The following SLC30A4 variants were observed in gnomAD, a reference collection of about 807,000 sequenced individuals.
SLC30A4 encodes the protein probable proton-coupled zinc antiporter SLC30A4.
A neutral mutation model predicts 41.7 loss-of-function variants in SLC30A4; 20 were observed. The ratio of observed to expected loss-of-function variants is 0.48; its 90% CI spans 0.34 to 0.70. SLC30A4 has a LOEUF of 0.70. SLC30A4 is among the 30% of genes least tolerant of loss of function. SLC30A4 has a pLI of 0.01. For missense variants in SLC30A4, 441 were observed against 529.3 expected, an observed-to-expected ratio of 0.83 and a Z score of 1.64; for synonymous variants, 181 against 195.9, an observed-to-expected ratio of 0.92 and a Z score of 0.64.
rs764217711 is a variant in SLC30A4, at chr15:45,511,198, C to T, written c.478G>A (p.Ala160Thr). ...GGTGATTTTGATGATAGCCACAAAGCAAGCAGGGTGAGTATGATGGCGCTT... is the reference window on the plus strand; with the variant it reads ...GGTGATTTTGATGATAGCCACAAAGTAAGCAGGGTGAGTATGATGGCGCTT... The part of the protein sequence containing the change: ...DLSAIILTLL[A>T]LWLSSKSPTK... Residue 160 changes from alanine to threonine, a missense_variant, in exon 3 of 8, where the codon GCT (alanine) becomes ACT (threonine). Coordinates refer to ENST00000261867, the MANE Select transcript of SLC30A4 (RefSeq NM_013309.6). 2 of 1,613,692 alleles carry T rather than the reference C, an allele frequency of 1.2e-6. No individual in the cohort carries two copies. Among genetic ancestry groups the T allele is most frequent in the Admixed American group, 1.7e-5 (1 of 59,996 alleles).
rs1337784123 is a variant in SLC30A4 at position 45,498,504 on chromosome 15, C to T, written c.539-7623G>A. Among the ~76,000 whole-genome samples, 5 of 152,294 alleles carry T rather than the reference C, an allele frequency of 3.3e-5. No homozygotes were observed. In the South Asian group the frequency reaches 8.3e-4, roughly 25 times the overall value. ...ATCATAGAGGATTTTCAGTGGCCCA[C>T]TGTCACCACCAGAATGGCAAGCTAA... On this transcript the variant is annotated intron_variant, in intron 3 of 7. Coordinates refer to ENST00000261867, the MANE Select transcript of SLC30A4 (RefSeq NM_013309.6).
intron 2 of SLC30A4, chr15:45,519,470 A>C (rs1892599486): frequency 6.6e-6 from 1 of 152,138 alleles, no homozygotes; most frequent in Non-Finnish European, 1.5e-5. Context: ...CCTAACCTCA[A>C]GTGAGCCGCC....
intron 2 of SLC30A4, among the ~76,000 whole-genome samples, chr15:45,516,939 G>A (rs1166859028): frequency 6.6e-6 from 1 of 152,084 alleles, no homozygotes; most frequent in African/African-American, 2.4e-5. Flanking sequence ...TATCGTATAA[G>A]AGAGGCATCA....
At chr15:45,501,060 C>T (rs182381827) in intron 3 of SLC30A4, among the ~76,000 whole-genome samples, 23 of 151,246 alleles carry the variant, frequency 1.5e-4, no homozygotes, top group Admixed American at 1.1e-3. Flanking sequence ...GTAATCCCAG[C>T]ACTTTGGGAG....
rs1004000368 is a variant in SLC30A4 at position 45,510,056 on chromosome 15, C to T, written c.538+1082G>A. Among the ~76,000 whole-genome samples, 4 of 147,514 alleles carry T rather than the reference C, an allele frequency of 2.7e-5. No individual in the cohort carries two copies. In the East Asian group the frequency reaches 6.1e-4, roughly 22 times the overall value. On this transcript the variant is annotated intron_variant, in intron 3 of 7. Coordinates refer to ENST00000261867, the MANE Select transcript of SLC30A4 (RefSeq NM_013309.6). Reference sequence around the variant, plus strand: ...CACTGCACTCCAGCCTGGGCAACAGCGCAAGAAGATCACACCACTGCACTC... The same window carrying T: ...CACTGCACTCCAGCCTGGGCAACAGTGCAAGAAGATCACACCACTGCACTC...
At chr15:45,499,340 G>C (rs1185157309) in intron 3 of SLC30A4, among the ~76,000 whole-genome samples, 2 of 152,054 alleles carry the variant, frequency 1.3e-5, no homozygotes, top group Non-Finnish European at 2.9e-5. Context: ...TCAGAGTGCT[G>C]GGATTACAGG....
In SLC30A4 at chr15:45,511,212, A is replaced by G; in HGVS notation, c.464T>C (p.Ile155Thr). The G allele has an allele frequency of 1.2e-6, 2 of 1,613,676 alleles. No homozygotes were observed. Among genetic ancestry groups the G allele is most frequent in the Non-Finnish European group, 1.7e-6 (2 of 1,179,618 alleles). ...TAGCCACAAAGCAAGCAGGGTGAGT[A>G]TGATGGCGCTTAGGTCAGTTAACAT... ...LHMLTDLSAI[I>T]LTLLALWLSS... The change falls in exon 3 of 8, where the codon ATA (isoleucine) becomes ACA (threonine). Residue 155 changes from isoleucine (I) to threonine (T), a missense_variant. This residue lies in a region of SLC30A4 where 312 missense variants were observed against 341.9 expected (regional missense o/e 0.91). Coordinates refer to ENST00000261867, the MANE Select transcript of SLC30A4 (RefSeq NM_013309.6).
rs114307847 is a variant in SLC30A4, at chr15:45,512,158, A to T, written c.392-874T>A. 3.1e-3 allele frequency among the ~76,000 whole-genome samples: 471 copies of T among 152,330 alleles called. 3 individuals carry two copies. The highest frequency in any genetic ancestry group is 0.023 in the East Asian group (118 of 5,192). The stretch of plus-strand genomic sequence containing the variant: ...TTTCCAGGCATTTAATATATATATT[A>T]TACATTGTTTCATTGTGTGTCTGTA... On this transcript the variant is annotated intron_variant, in intron 2 of 7. Coordinates refer to ENST00000261867, the MANE Select transcript of SLC30A4 (RefSeq NM_013309.6).
At chr15:45,501,959 G>T (rs1892044034) in intron 3 of SLC30A4, 1 of 151,958 alleles carries the variant, frequency 6.6e-6, no homozygotes, top group Admixed American at 6.6e-5. Flanking sequence ...TGACATAGAG[G>T]ATGATACTAC....
intron 3 of SLC30A4, among the ~76,000 whole-genome samples, chr15:45,508,783 C>G (rs1019218606): frequency 4.1e-4 from 63 of 152,134 alleles, no homozygotes; most frequent in African/African-American, 1.5e-3. Context: ...ATTCCAGAGA[C>G]ACAATAGGAC....
chr15:45,494,045 C>T (rs1287084743), intron 3 of SLC30A4, among the ~76,000 whole-genome samples: 1 of 151,840 alleles, frequency 6.6e-6, no homozygotes. Flanking sequence ...TATGGAGAGA[C>T]CTCTATATTA....
intron 2 of SLC30A4, chr15:45,515,775 T>C (rs1275677775): frequency 6.6e-6 from 1 of 151,118 alleles, no homozygotes; most frequent in Non-Finnish European, 1.5e-5. Flanking sequence ...TGAGATAGAG[T>C]CTCACTCTGT....
intron 6 of SLC30A4, 87 bp downstream of exon 6, chr15:45,487,440 A>G: frequency 2.9e-6 from 2 of 686,692 alleles, no homozygotes; most frequent in South Asian, 1.8e-5. Context: ...AAAGCAAAAG[A>G]TGTAATTCCT....
At chr15:45,485,350 T>G (rs200476763) in intron 7 of SLC30A4, 33 bp from the exon 8 acceptor site, 4 of 1,490,212 alleles carry the variant, frequency 2.7e-6, no homozygotes, top group Non-Finnish European at 3.7e-6. Context: ...TTACTATCCA[T>G]TGTACAGTTA....
At chr15:45,500,944 A>T (rs1288976054) in intron 3 of SLC30A4, among the ~76,000 whole-genome samples, 2 of 148,116 alleles carry the variant, frequency 1.4e-5, no homozygotes, top group Non-Finnish European at 3.0e-5. Flanking sequence ...TCGGCCTCCC[A>T]AAGTGCTGGG....
chr15:45,490,079 CAACTTT>C (rs1891781176), intron 4 of SLC30A4, among the ~76,000 whole-genome samples: 1 of 152,004 alleles, frequency 6.6e-6, no homozygotes, highest in Non-Finnish European at 1.5e-5. Flanking sequence ...CTGTTAACTT[CAACTTT>C]ATTATTTTTT....
Position 45,490,709 on chromosome 15 carries a change from TG to T in SLC30A4, c.692+18del. 1 of 1,560,494 alleles carries T rather than the reference TG, an allele frequency of 6.4e-7. No individual in the cohort carries two copies. The highest frequency in any genetic ancestry group is 8.7e-7 in the Non-Finnish European group (1 of 1,149,974). ...TTCACAGTACTTGAAAATATTAATG[TG>T]AAAAAAATAGAGCTTACATTACATT... is the stretch of plus-strand genomic sequence containing the variant. On this transcript the variant is annotated intron_variant, in intron 4 of 7. Coordinates refer to ENST00000261867, the MANE Select transcript of SLC30A4 (RefSeq NM_013309.6).
chr15:45,486,721 T>C lies in SLC30A4; in HGVS notation c.1025A>G (p.Asp342Gly). The C allele has an allele frequency of 6.4e-7, 1 of 1,565,938 alleles. No homozygotes were observed. Among genetic ancestry groups the C allele is most frequent in the South Asian group, 1.2e-5 (1 of 83,964 alleles). ...TTTCATCAAGGCTTCTTTGATATAGTCTACATTCAAATGGCTTGGCACACC... is the reference window on the plus strand; with the variant it reads ...TTTCATCAAGGCTTCTTTGATATAGCCTACATTCAAATGGCTTGGCACACC... Reference protein sequence around the residue: ...LEGVPSHLNVDYIKEALMKIE... With the variant: ...LEGVPSHLNVGYIKEALMKIE... The change falls in exon 7 of 8, where the codon GAC (aspartate) becomes GGC (glycine). Residue 342 changes from aspartate (D) to glycine (G), a missense_variant. Transcript: ENST00000261867.
chr15:45,485,167 G>C lies in SLC30A4; in HGVS notation c.1286C>G (p.Pro429Arg). Residue 429 changes from proline to arginine, a missense_variant, in exon 8 of 8, where the codon CCC becomes CGC. Physicochemically the swap from Pro to Arg is moderately radical, Grantham distance 103 (BLOSUM62 -2). Transcript: ENST00000261867. ...RTCANCQSSS[P>R] Reference sequence around the variant, plus strand: ...GAGTTCCCAAAATACATAAAATTAGGGACTAGAACTCTGACAATTTGCACA... The same window carrying C: ...GAGTTCCCAAAATACATAAAATTAGCGACTAGAACTCTGACAATTTGCACA... 1 of 1,609,428 alleles carries C rather than the reference G, an allele frequency of 6.2e-7. No homozygotes were observed. Among genetic ancestry groups the C allele is most frequent in the South Asian group, 1.1e-5 (1 of 89,998 alleles).
Sources: gnomAD v4.1 joint callset for allele counts (sites outside exome capture counted in the v4.1 genomes callset) on GRCh38, gnomAD v4.1.1 for gene constraint, gnomAD v4.1.1 regional missense constraint, MANE v1.5 for transcripts, NCBI Gene and HGNC (gene_info 2026-07-23, HGNC 2026-07-21) for gene names.